Variants in KIAA1217 observed in about 807,000 individuals in gnomAD.
KIAA1217 encodes sickle tail protein homolog.
KIAA1217 carries 88 observed loss-of-function variants against 163.9 expected under a neutral mutation model. The observed-to-expected ratio is 0.54, with a 90% confidence interval of 0.45 to 0.64. The LOEUF is 0.64. Ranked by LOEUF, KIAA1217 falls within the 30% of genes least tolerant of loss-of-function variation. The pLI is 0.00. For missense variants in KIAA1217, 2,372 were observed against 2,475.0 expected (o/e 0.96, Z 0.88); for synonymous variants, 903 against 923.1 (o/e 0.98, Z 0.39).
intron 1 of KIAA1217, among the ~76,000 whole-genome samples, chr10:24,216,336 T>A (rs1202767914): frequency 5.9e-5 from 9 of 152,242 alleles, no homozygotes; most frequent in African/African-American, 1.9e-4. Context: ...GATGCGACTT[T>A]CTGCCGTTAT....
At chr10:23,889,157 C>T (rs913071894) in intron 1 of KIAA1217, among the ~76,000 whole-genome samples, 4 of 151,836 alleles carry the variant, frequency 2.6e-5, no homozygotes, top group African/African-American at 9.7e-5. Flanking sequence ...TTTTGGTGTT[C>T]ATAGATGTTT....
intron 3 of KIAA1217, among the ~76,000 whole-genome samples, chr10:24,391,333 C>CTTTTTTTTTTTTTTTTTTTT (rs768727392): frequency 1.7e-4 from 5 of 29,888 alleles, no homozygotes; most frequent in Non-Finnish European, 1.6e-4. Context: ...TTCTTTCTTT[C>CTTTTTTTTTTTTTTTTTTTT]TTTTTTTTTT....
At chr10:24,403,841 AAT>A (rs2056856694) in intron 3 of KIAA1217, among the ~76,000 whole-genome samples, 1 of 152,228 alleles carries the variant, frequency 6.6e-6, no homozygotes, top group South Asian at 2.1e-4. Context: ...AAATAAAAAA[AAT>A]AGAGATAACA....
intron 2 of KIAA1217, among the ~76,000 whole-genome samples, chr10:24,221,839 A>C (rs566795441): frequency 6.6e-6 from 1 of 152,286 alleles, no homozygotes; most frequent in Admixed American, 6.5e-5. Context: ...GCTTGAGACC[A>C]GCTGGGTAAC....
chr10:24,426,928 G>C (rs77430096), intron 3 of KIAA1217, among the ~76,000 whole-genome samples: 1 of 152,268 alleles, frequency 6.6e-6, no homozygotes, highest in South Asian at 2.1e-4. Context: ...ATACCATGTT[G>C]AGATAAAGAT....
intron 1 of KIAA1217, among the ~76,000 whole-genome samples, chr10:23,740,678 G>A (rs1011375024): frequency 6.6e-6 from 1 of 152,036 alleles, no homozygotes; most frequent in Non-Finnish European, 1.5e-5. Context: ...ATTTTTGAAT[G>A]TAAAAGTTCC....
intron 1 of KIAA1217, among the ~76,000 whole-genome samples, chr10:23,716,156 A>G (rs1047195636): frequency 3.3e-5 from 5 of 152,202 alleles, no homozygotes; most frequent in African/African-American, 1.2e-4. Flanking sequence ...ATTAAAATAT[A>G]TGAACATAAT....
At chr10:23,699,188 G>A (rs555848183) in intron 1 of KIAA1217, among the ~76,000 whole-genome samples, 1 of 152,358 alleles carries the variant, frequency 6.6e-6, no homozygotes, top group East Asian at 1.9e-4. Flanking sequence ...GGACTTGGTT[G>A]GGGTCCTGTG....
intron 2 of KIAA1217, among the ~76,000 whole-genome samples, chr10:24,224,961 G>A (rs2070286177): frequency 6.6e-6 from 1 of 151,420 alleles, no homozygotes. Context: ...CGAGTAGCTG[G>A]GACTACAGGC....
chr10:24,275,774 T>C (rs1309311673), intron 2 of KIAA1217: 1 of 522,980 alleles, frequency 1.9e-6, no homozygotes, highest in East Asian at 5.5e-5. Flanking sequence ...TGCTCCAACT[T>C]AATACTTGGC....
In KIAA1217 at chr10:23,892,178, A is replaced by G. The variant is rs193291936; in HGVS notation, c.-320-115047A>G. On this transcript the variant is annotated intron_variant, in intron 1 of 18. Transcript: ENST00000376462. ...TAAATGTCTTACATTTCAACAAACC[A>G]TTAATCAAAATTAAAAGAAGGGAAA... is the stretch of plus-strand genomic sequence containing the variant. 3.5e-3 allele frequency among the ~76,000 whole-genome samples: 531 copies of G among 152,118 alleles called. 7 individuals carry two copies. Among genetic ancestry groups the G allele is most frequent in the African/African-American group, 0.011 (458 of 41,570 alleles).
chr10:24,305,871 G>A (rs944865038), intron 2 of KIAA1217, among the ~76,000 whole-genome samples: 2 of 152,090 alleles, frequency 1.3e-5, no homozygotes, highest in Non-Finnish European at 2.9e-5. Flanking sequence ...GGAAGAACAT[G>A]TTTAGAAGTC....
At chr10:24,273,006 T>A (rs1375389080) in intron 2 of KIAA1217, among the ~76,000 whole-genome samples, 1 of 152,208 alleles carries the variant, frequency 6.6e-6, no homozygotes, top group African/African-American at 2.4e-5. Context: ...TCTGTGCCCT[T>A]CTGCGCCTTG....
intron 1 of KIAA1217, among the ~76,000 whole-genome samples, chr10:24,213,276 C>T (rs1343657027): frequency 1.3e-5 from 2 of 152,094 alleles, no homozygotes; most frequent in Non-Finnish European, 2.9e-5. Context: ...ACATTGTGAC[C>T]CTGGGGCATA....
At chr10:23,830,271 A>G (rs1416284496) in intron 1 of KIAA1217, among the ~76,000 whole-genome samples, 2 of 152,158 alleles carry the variant, frequency 1.3e-5, no homozygotes, top group African/African-American at 4.8e-5. Context: ...TGTTTCACCT[A>G]TTTTGTGCTG....
chr10:24,523,276 T>A (rs1169204574), intron 12 of KIAA1217, among the ~76,000 whole-genome samples: 4 of 151,502 alleles, frequency 2.6e-5, no homozygotes, highest in African/African-American at 9.7e-5. Context: ...GGGCTAGGAT[T>A]GAGCCACTGC....
intron 2 of KIAA1217, chr10:24,275,738 G>A (rs372743442): frequency 1.5e-4 from 82 of 533,016 alleles, no homozygotes; most frequent in Admixed American, 1.6e-4. Flanking sequence ...CCATTTAAAA[G>A]TAATGGCACA....
At chr10:23,929,218 A>G (rs1843150182) in intron 1 of KIAA1217, among the ~76,000 whole-genome samples, 1 of 152,246 alleles carries the variant, frequency 6.6e-6, no homozygotes, top group Non-Finnish European at 1.5e-5. Context: ...ATTTATTGTC[A>G]ATTATTCATG....
Position 24,158,755 on chromosome 10 carries a change from T to G in KIAA1217, c.-170-60871T>G. 4 of 494,344 alleles carry G rather than the reference T, an allele frequency of 8.1e-6. 1 individual carries two copies. Among genetic ancestry groups the G allele is most frequent in the South Asian group, 6.3e-5 (4 of 63,022 alleles). The allele number at this position is 494,344 out of a possible 1,614,324, so 30.6% of individuals were successfully genotyped here. ...GGTTATTTCTGACAGATGAAAATCT[T>G]GTATCCAAAGCAATGGAGTACATGT... On this transcript the variant is annotated intron_variant, in intron 2 of 18. Transcript: ENST00000376462.
Sources: gnomAD v4.1 joint callset for allele counts (sites outside exome capture counted in the v4.1 genomes callset) on GRCh38, gnomAD v4.1.1 for gene constraint, MANE v1.5 for transcripts, NCBI Gene and HGNC (gene_info 2026-07-23, HGNC 2026-07-21) for gene names.